QTMAN: variants seen among roughly 807,000 people sequenced by gnomAD.
QTMAN encodes the protein queuosine-tRNA mannosyltransferase.
chr2:144,202,651 C>T, the QTMAN span, among the ~76,000 whole-genome samples: 1 of 152,082 alleles, frequency 6.6e-6, no homozygotes, highest in Non-Finnish European at 1.5e-5. Flanking sequence ...CCATTCCATT[C>T]ATTAAAAATA....
chr2:144,013,052 T>C, the QTMAN span, among the ~76,000 whole-genome samples: 1 of 152,128 alleles, frequency 6.6e-6, no homozygotes, highest in African/African-American at 2.4e-5. Context: ...CAACACTGAT[T>C]CCATGGGACA....
chr2:144,102,334 C>G, the QTMAN span, among the ~76,000 whole-genome samples: 3 of 152,194 alleles, frequency 2.0e-5, no homozygotes, highest in Non-Finnish European at 4.4e-5. Context: ...CAAATACTTT[C>G]TATAAAGTAA....
chr2:144,130,581 C>T, the QTMAN span, among the ~76,000 whole-genome samples: 1 of 151,884 alleles, frequency 6.6e-6, no homozygotes, highest in Non-Finnish European at 1.5e-5. Context: ...TTTGTGAACA[C>T]ACAAATTAAA....
the QTMAN span, among the ~76,000 whole-genome samples, chr2:144,187,816 G>A: frequency 6.6e-6 from 1 of 152,176 alleles, no homozygotes; most frequent in East Asian, 1.9e-4. Flanking sequence ...CATAGTACCT[G>A]TGAATGTGAC....
chr2:144,025,456 A>G, the QTMAN span, among the ~76,000 whole-genome samples: 1 of 152,178 alleles, frequency 6.6e-6, no homozygotes, highest in East Asian at 1.9e-4. Flanking sequence ...AGTAGTGTCT[A>G]TTTTTACCGT....
At chr2:144,020,248 C>T in the QTMAN span, among the ~76,000 whole-genome samples, 1 of 152,140 alleles carries the variant, frequency 6.6e-6, no homozygotes, top group Non-Finnish European at 1.5e-5. Context: ...GCATTTCCTG[C>T]CTAAATGCTG....
chr2:144,236,790 A>G, the QTMAN span, among the ~76,000 whole-genome samples: 1 of 152,114 alleles, frequency 6.6e-6, no homozygotes, highest in African/African-American at 2.4e-5. Context: ...CTACATCAGA[A>G]AGAAACAAGG....
chr2:144,056,616 C>T, the QTMAN span, among the ~76,000 whole-genome samples: 1 of 152,210 alleles, frequency 6.6e-6, no homozygotes, highest in African/African-American at 2.4e-5. Context: ...ATACAGTAAA[C>T]ACTCAAAAGG....
the QTMAN span, among the ~76,000 whole-genome samples, chr2:144,004,166 C>T: frequency 0.049 from 7,472 of 151,942 alleles, 289 homozygotes; most frequent in African/African-American, 0.11. Context: ...GTAAAGAAAA[C>T]CCCCCTTTTC....
the QTMAN span, among the ~76,000 whole-genome samples, chr2:144,252,763 AG>A: frequency 3.9e-5 from 6 of 152,218 alleles, no homozygotes; most frequent in African/African-American, 1.4e-4. Flanking sequence ...CCAAATGAGT[AG>A]AAAACTTACA....
chr2:144,038,444 AT>A, the QTMAN span, among the ~76,000 whole-genome samples: 2 of 152,200 alleles, frequency 1.3e-5, no homozygotes, highest in Non-Finnish European at 2.9e-5. Context: ...CAATGATACA[AT>A]TCTATCCCTG....
At chr2:144,091,121 TG>T in the QTMAN span, among the ~76,000 whole-genome samples, 1 of 152,236 alleles carries the variant, frequency 6.6e-6, no homozygotes, top group Middle Eastern at 3.4e-3. Context: ...AATATAGTTT[TG>T]TTCCAACATA....
the QTMAN span, chr2:144,211,474 T>C: frequency 3.3e-5 from 5 of 152,570 alleles, no homozygotes; most frequent in Non-Finnish European, 7.3e-5. Flanking sequence ...GTTCTGCTTG[T>C]TTTGTGGAGA....
chr2:144,104,298 G>T, the QTMAN span, among the ~76,000 whole-genome samples: 2 of 152,182 alleles, frequency 1.3e-5, no homozygotes, highest in Non-Finnish European at 2.9e-5. Flanking sequence ...ATGAGCCGAA[G>T]CAGGGCGAGG....
At chr2:144,208,773 G>A in the QTMAN span, 1 of 1,609,516 alleles carries the variant, frequency 6.2e-7, no homozygotes. Context: ...CAATGATGAG[G>A]ATACTCATTG....
the QTMAN span, among the ~76,000 whole-genome samples, chr2:144,206,393 A>C: frequency 1.3e-5 from 2 of 152,188 alleles, no homozygotes; most frequent in African/African-American, 4.8e-5. Context: ...TCAATCTAGG[A>C]TTGAATGCAC....
chr2:144,244,396 T>C, the QTMAN span, among the ~76,000 whole-genome samples: 5 of 152,330 alleles, frequency 3.3e-5, no homozygotes, highest in East Asian at 7.7e-4. Flanking sequence ...AGACATTCAC[T>C]GTAACAACTT....
the QTMAN span, among the ~76,000 whole-genome samples, chr2:144,313,762 CTTA>C: frequency 6.6e-6 from 1 of 150,806 alleles, no homozygotes; most frequent in Non-Finnish European, 1.5e-5. Flanking sequence ...CTTAATCAAT[CTTA>C]TTATCATTAG....
chr2:144,172,389 G>A, the QTMAN span, among the ~76,000 whole-genome samples: 1 of 152,082 alleles, frequency 6.6e-6, no homozygotes, highest in Non-Finnish European at 1.5e-5. Context: ...GGGAGGCTGA[G>A]ATGGGCAGAT....
Sources: gnomAD v4.1 joint callset for allele counts (sites outside exome capture counted in the v4.1 genomes callset) on GRCh38, gnomAD v4.1.1 for gene constraint, MANE v1.5 for transcripts, NCBI Gene and HGNC (gene_info 2026-07-23, HGNC 2026-07-21) for gene names.